SPCS2: variants seen among roughly 807,000 people sequenced by gnomAD.
SPCS2 encodes the protein signal peptidase complex subunit 2, also known as SPase 25 kDa subunit.
In SPCS2, 3 loss-of-function variants were observed where a neutral mutation model predicts 22.3. That is an observed-to-expected ratio of 0.13 (90% CI 0.06 to 0.35). SPCS2 has a LOEUF of 0.35. Among genes scored for constraint, SPCS2 ranks in the 10% least tolerant of loss-of-function variants. SPCS2 has a pLI of 1.00. For synonymous variants in SPCS2, 67 were observed against 97.2 expected (o/e 0.69, Z 1.83); for missense variants, 169 against 280.9 (o/e 0.60, Z 2.85).
intron 1 of SPCS2, among the ~76,000 whole-genome samples, chr11:74,957,435 T>A (rs1245858196): frequency 1.3e-5 from 2 of 152,326 alleles, no homozygotes; most frequent in Middle Eastern, 3.4e-3. Context: ...CAGAACTGAT[T>A]GCATGTAATT....
At chr11:74,960,502 CTTT>C (rs367939644) in intron 1 of SPCS2, among the ~76,000 whole-genome samples, 1 of 143,964 alleles carries the variant, frequency 6.9e-6, no homozygotes, top group African/African-American at 2.6e-5. Flanking sequence ...AGATTAACAT[CTTT>C]TTTTTTTTTT....
chr11:74,957,385 G>A (rs971629421), intron 1 of SPCS2, among the ~76,000 whole-genome samples: 4 of 152,176 alleles, frequency 2.6e-5, no homozygotes, highest in Non-Finnish European at 5.9e-5. Context: ...TGAAACGGCT[G>A]TATGGTCCTC....
chr11:74,956,908 C>T (rs1329359189), intron 1 of SPCS2, among the ~76,000 whole-genome samples: 2 of 152,082 alleles, frequency 1.3e-5, no homozygotes, highest in African/African-American at 4.8e-5. Context: ...ACTGTTTTCA[C>T]TGGGACACTC....
chr11:74,959,325 T>C (rs1434658163), intron 1 of SPCS2, among the ~76,000 whole-genome samples: 3 of 152,234 alleles, frequency 2.0e-5, no homozygotes, highest in Non-Finnish European at 4.4e-5. Flanking sequence ...AATAAGATAA[T>C]TGAAGGTGTT....
chr11:74,955,851 A>AATATATATATACATATATATATAT, intron 1 of SPCS2, among the ~76,000 whole-genome samples: 1 of 55,602 alleles, frequency 1.8e-5, no homozygotes, highest in Admixed American at 3.4e-4. Context: ...TACTAATTAA[A>AATATATATATACATATATATATAT]ATATATATAT....
intron 3 of SPCS2, among the ~76,000 whole-genome samples, chr11:74,968,524 T>TA (rs1365139039): frequency 6.7e-6 from 1 of 150,114 alleles, no homozygotes; most frequent in African/African-American, 2.4e-5. Context: ...TTTTGTTTTT[T>TA]TTTTTTTTTG....
At chr11:74,975,347 A>G (rs1227425494) in intron 4 of SPCS2, among the ~76,000 whole-genome samples, 1 of 152,086 alleles carries the variant, frequency 6.6e-6, no homozygotes, top group African/African-American at 2.4e-5. Flanking sequence ...TATTTAAGAG[A>G]ACATCTTCTT....
intron 1 of SPCS2, among the ~76,000 whole-genome samples, chr11:74,954,332 G>A (rs139106277): frequency 5.4e-4 from 82 of 152,284 alleles, no homozygotes; most frequent in African/African-American, 1.8e-3. Context: ...ACAGAACCTG[G>A]CTCCCCCAGT....
At chr11:74,959,184 TG>T (rs1948496251) in intron 1 of SPCS2, among the ~76,000 whole-genome samples, 1 of 152,314 alleles carries the variant, frequency 6.6e-6, no homozygotes, top group African/African-American at 2.4e-5. Flanking sequence ...CTCTCACCCT[TG>T]GTAATTCTTC....
At chr11:74,974,797 G>T (rs1948606005) in intron 4 of SPCS2, among the ~76,000 whole-genome samples, 1 of 152,172 alleles carries the variant, frequency 6.6e-6, no homozygotes, top group South Asian at 2.1e-4. Context: ...TGTATTTTTA[G>T]TAGAGACGGG....
intron 2 of SPCS2, among the ~76,000 whole-genome samples, chr11:74,965,332 C>A (rs534088725): frequency 4.6e-5 from 7 of 151,736 alleles, no homozygotes; most frequent in East Asian, 3.9e-4. Context: ...CAAACCTGCA[C>A]GTTGTGCACA....
At chr11:74,953,667 C>G (rs528360402) in intron 1 of SPCS2, among the ~76,000 whole-genome samples, 7 of 152,272 alleles carry the variant, frequency 4.6e-5, no homozygotes, top group South Asian at 2.1e-4. Context: ...ACTTTAAGAA[C>G]ACAGCAATTC....
rs764485909 is a variant in SPCS2, at chr11:74,978,335, A to G, written c.*1292A>G. 1 of 152,232 alleles carries G rather than the reference A, an allele frequency of 6.6e-6. No homozygotes were observed. The highest frequency in any genetic ancestry group is 1.5e-5 in the Non-Finnish European group (1 of 68,048). The allele number at this position is 152,232 out of a possible 1,614,324, so 9.4% of individuals were successfully genotyped here. A position where few individuals can be genotyped will look rare whatever the true frequency, so the allele number is the denominator to read the frequency against. On this transcript the variant is annotated 3_prime_UTR_variant, in exon 5 of 5. Coordinates refer to ENST00000263672, the MANE Select transcript of SPCS2 (RefSeq NM_014752.3). ...CCTATCTCGCACCACATGGTAGGGAATTGTGAACAACACTGGACAGAAAGT... is the reference window on the plus strand; with the variant it reads ...CCTATCTCGCACCACATGGTAGGGAGTTGTGAACAACACTGGACAGAAAGT...
At chr11:74,973,294 T>G (rs1948597547) in intron 4 of SPCS2, among the ~76,000 whole-genome samples, 2 of 152,202 alleles carry the variant, frequency 1.3e-5, no homozygotes, top group African/African-American at 4.8e-5. Flanking sequence ...ACACCTAGTC[T>G]TTTGAAGATA....
chr11:74,972,377 C>T (rs1230812006), intron 4 of SPCS2, among the ~76,000 whole-genome samples: 5 of 152,100 alleles, frequency 3.3e-5, no homozygotes, highest in Admixed American at 6.6e-5. Context: ...CCTAGTTATT[C>T]TTAAAAGCAT....
At position 74,977,796 on chromosome 11, in the gene SPCS2, C is replaced by T. The variant is rs1383337125; in HGVS notation, c.*753C>T. 1.3e-5 allele frequency: 2 copies of T among 152,544 alleles called. No homozygotes were observed. Among genetic ancestry groups the T allele is most frequent in the African/African-American group, 4.8e-5 (2 of 41,410 alleles). 9.4% of individuals were successfully genotyped at this position (152,544 alleles called of 1,614,324 possible). A position where few individuals can be genotyped will look rare whatever the true frequency, so the allele number is the denominator to read the frequency against. ...AGAAACAAGTGTTAACATCTTTCTA[C>T]TATAGGTTTTTTTCATTTTTAGGCT... On this transcript the variant is annotated 3_prime_UTR_variant, in exon 5 of 5. Coordinates refer to ENST00000263672, the MANE Select transcript of SPCS2 (RefSeq NM_014752.3).
intron 4 of SPCS2, among the ~76,000 whole-genome samples, chr11:74,971,982 C>T (rs562926916): frequency 2.0e-5 from 3 of 152,326 alleles, no homozygotes; most frequent in Admixed American, 2.0e-4. Flanking sequence ...TTTCTGTAAC[C>T]TGGCTCACTC....
At chr11:74,965,657 A>G (rs1948540275) in intron 2 of SPCS2, 106 bp from the exon 3 acceptor site, 1 of 941,696 alleles carries the variant, frequency 1.1e-6, no homozygotes, top group African/African-American at 1.7e-5. Flanking sequence ...ACTGGAGGGA[A>G]CTACTTGGTA....
intron 4 of SPCS2, 57 bp downstream of exon 4, chr11:74,969,756 G>T (rs1948569790): frequency 6.2e-7 from 1 of 1,600,958 alleles, no homozygotes; most frequent in Non-Finnish European, 8.6e-7. Context: ...CTGGCATGTT[G>T]TCATTATCAA....
Sources: gnomAD v4.1 joint callset for allele counts (sites outside exome capture counted in the v4.1 genomes callset) on GRCh38, gnomAD v4.1.1 for gene constraint, MANE v1.5 for transcripts, NCBI Gene and HGNC (gene_info 2026-07-23, HGNC 2026-07-21) for gene names.